TRANK1: variants seen among roughly 807,000 people sequenced by gnomAD.
TRANK1 encodes TPR and ankyrin repeat-containing protein 1.
Under a neutral mutation model 266.0 loss-of-function variants are expected in TRANK1, and 198 were observed. The ratio of observed to expected loss-of-function variants is 0.74; its 90% confidence interval spans 0.66 to 0.84. The LOEUF is 0.84. Ranked by LOEUF, TRANK1 falls within the 40% of genes least tolerant of loss-of-function variation. TRANK1 has a pLI of 0.00. For missense variants in TRANK1, 3,326 were observed against 3,634.6 expected, an observed-to-expected ratio of 0.92 and a Z score of 2.18; for synonymous variants, 1,396 against 1,384.1, an observed-to-expected ratio of 1.01 and a Z score of -0.19.
chr3:36,904,117 G>A (rs942187206), intron 2 of TRANK1, among the ~76,000 whole-genome samples: 10 of 151,550 alleles, frequency 6.6e-5, no homozygotes, highest in Non-Finnish European at 8.8e-5. Flanking sequence ...CACCACACCC[G>A]GCTAATTTTT....
intron 1 of TRANK1, among the ~76,000 whole-genome samples, chr3:36,942,039 C>G (rs1376709736): frequency 1.3e-5 from 2 of 152,170 alleles, no homozygotes; most frequent in East Asian, 3.8e-4. Flanking sequence ...AAATCCTCCT[C>G]TTCAGATCAC....
At chr3:36,865,455 C>T (rs1209729931) in intron 9 of TRANK1, among the ~76,000 whole-genome samples, 3 of 152,190 alleles carry the variant, frequency 2.0e-5, no homozygotes, top group Non-Finnish European at 4.4e-5. Flanking sequence ...ACATGTCAGC[C>T]ACCCAAACTT....
intron 5 of TRANK1, among the ~76,000 whole-genome samples, chr3:36,894,127 G>A (rs77881565): frequency 1.2e-4 from 19 of 152,322 alleles, no homozygotes; most frequent in African/African-American, 4.3e-4. Context: ...CTGCAGGTAG[G>A]ATGTTGGACC....
At chr3:36,872,373 G>C (rs1347008922) in intron 9 of TRANK1, among the ~76,000 whole-genome samples, 1 of 152,134 alleles carries the variant, frequency 6.6e-6, no homozygotes, top group Non-Finnish European at 1.5e-5. Flanking sequence ...CTGCACCCCA[G>C]TCTGGGCAAC....
At chr3:36,926,530 G>A (rs978676040) in intron 1 of TRANK1, among the ~76,000 whole-genome samples, 10 of 152,102 alleles carry the variant, frequency 6.6e-5, no homozygotes, top group African/African-American at 1.7e-4. Flanking sequence ...AGCAAATAGG[G>A]AAGGCACCAG....
intron 1 of TRANK1, among the ~76,000 whole-genome samples, chr3:36,944,239 G>C (rs1208531889): frequency 6.6e-6 from 1 of 152,204 alleles, no homozygotes; most frequent in Non-Finnish European, 1.5e-5. Context: ...GTGCAGTCCA[G>C]TTTGAGCCAG....
Position 36,860,925 on chromosome 3 carries a change from G to A in TRANK1, c.1476C>T (p.Gly492=). ...TCTCACCTCCACTGTCTATCAGGCA[G>A]CCCAGAAGCTGTTTCTTCCGCTGGT... ...TWDQRKKQLL[G]CLIDSGALPD... is the part of the protein sequence containing the mutation. Residue 492 remains glycine (G), a synonymous_variant, in exon 11 of 24, where the codon GGC becomes GGT. Transcript: ENST00000645898. The A allele has an allele frequency of 6.5e-7, 1 of 1,537,398 alleles. No individual in the cohort carries two copies. The highest frequency in any genetic ancestry group is 8.7e-7 in the Non-Finnish European group (1 of 1,146,938).
chr3:36,929,929 G>A (rs556843541), intron 1 of TRANK1, among the ~76,000 whole-genome samples: 30 of 118,606 alleles, frequency 2.5e-4, no homozygotes, highest in African/African-American at 5.4e-4. Context: ...GTTTTGAGAC[G>A]GAGTTTCACT....
intron 1 of TRANK1, among the ~76,000 whole-genome samples, chr3:36,936,675 C>A (rs115474263): frequency 0.011 from 1,627 of 152,172 alleles, 30 homozygotes; most frequent in African/African-American, 0.035. Context: ...CAGCCATTCT[C>A]GAGGAAGGAT....
chr3:36,935,792 C>T (rs1575336731), intron 1 of TRANK1, among the ~76,000 whole-genome samples: 1 of 152,180 alleles, frequency 6.6e-6, no homozygotes, highest in East Asian at 1.9e-4. Context: ...GTAAGTCTTA[C>T]TATTTCTGCA....
At position 36,874,227 on chromosome 3, in the gene TRANK1, C is replaced by T. The variant is rs746977646; in HGVS notation, c.977G>A (p.Arg326Gln). ...ADPTLLDRQS[R>Q]SVVDVLKRNK... ...CCTCTTCAGGACATCCACAACAGACCGAGACTGTCGATCCAGCAAAGTGGG... is the reference window on the plus strand; with the variant it reads ...CCTCTTCAGGACATCCACAACAGACTGAGACTGTCGATCCAGCAAAGTGGG... The change falls in exon 9 of 24, where the codon CGG becomes CAG. Residue 326 changes from arginine (R) to glutamine (Q), a missense_variant. Transcript: ENST00000645898. The T allele has an allele frequency of 1.3e-4, 193 of 1,536,972 alleles. No homozygotes were observed. The highest frequency in any genetic ancestry group is 1.6e-4 in the Non-Finnish European group (178 of 1,146,874).
At chr3:36,933,007 C>A (rs1157340659) in intron 1 of TRANK1, among the ~76,000 whole-genome samples, 1 of 151,966 alleles carries the variant, frequency 6.6e-6, no homozygotes, top group African/African-American at 2.4e-5. Context: ...TTCATAGTAC[C>A]CCCAAACCCC....
intron 1 of TRANK1, among the ~76,000 whole-genome samples, chr3:36,927,484 G>A (rs527896465): frequency 6.6e-6 from 1 of 152,146 alleles, no homozygotes; most frequent in Non-Finnish European, 1.5e-5. Flanking sequence ...TTAGCTCACT[G>A]CAACCTTGGT....
At chr3:36,890,569 T>A (rs556266743) in intron 7 of TRANK1, among the ~76,000 whole-genome samples, 1 of 152,242 alleles carries the variant, frequency 6.6e-6, no homozygotes, top group African/African-American at 2.4e-5. Flanking sequence ...GCAGCTAACA[T>A]TGACAACAGG....
At chr3:36,943,464 T>C (rs2080525333) in intron 1 of TRANK1, among the ~76,000 whole-genome samples, 1 of 149,866 alleles carries the variant, frequency 6.7e-6, no homozygotes, top group Non-Finnish European at 1.5e-5. Flanking sequence ...CACACACACC[T>C]ATCCCACCTC....
chr3:36,869,514 A>C (rs776322896), intron 9 of TRANK1, among the ~76,000 whole-genome samples: 1 of 152,264 alleles, frequency 6.6e-6, no homozygotes, highest in Non-Finnish European at 1.5e-5. Flanking sequence ...AATGTTAGGC[A>C]CAGATACAGC....
rs374769200 is a variant in TRANK1, at chr3:36,855,290, A to G, written c.4432T>C (p.Phe1478Leu). 20 of 1,613,962 alleles carry G rather than the reference A, an allele frequency of 1.2e-5. No individual in the cohort carries two copies. The highest frequency in any genetic ancestry group is 1.6e-5 in the Non-Finnish European group (19 of 1,179,914). ...QSIMKGVAFR[F>L]SDLRSLFHYA... ...TGGAACAGAGAGCGCAGATCGCTGA[A>G]GCGGAAGGCCACGCCCTTCATGATG... The change falls in exon 13 of 24, where the codon TTC (phenylalanine) becomes CTC (leucine). Residue 1478 changes from phenylalanine to leucine, a missense_variant. By Grantham distance (22) the Phe-to-Leu change is conservative. Coordinates refer to ENST00000645898, the MANE Select transcript of TRANK1 (RefSeq NM_001329998.2).
intron 3 of TRANK1, among the ~76,000 whole-genome samples, chr3:36,902,489 G>T (rs1407827071): frequency 6.6e-6 from 1 of 152,186 alleles, no homozygotes; most frequent in Non-Finnish European, 1.5e-5. Context: ...TGAGTCTTCT[G>T]CTCCTTTTGT....
At chr3:36,897,495 A>ACT (rs2079810140) in intron 4 of TRANK1, among the ~76,000 whole-genome samples, 1 of 151,976 alleles carries the variant, frequency 6.6e-6, no homozygotes, top group Non-Finnish European at 1.5e-5. Flanking sequence ...GCCTGCTACT[A>ACT]CTCTAGTCCC....
Sources: gnomAD v4.1 joint callset for allele counts (sites outside exome capture counted in the v4.1 genomes callset) on GRCh38, gnomAD v4.1.1 for gene constraint, MANE v1.5 for transcripts, NCBI Gene and HGNC (gene_info 2026-07-23, HGNC 2026-07-21) for gene names.